JARID2: variants seen among roughly 807,000 people sequenced by gnomAD.
The protein encoded by JARID2 is jumonji and AT-rich interaction domain containing 2.
Under a neutral mutation model 125.6 loss-of-function variants are expected in JARID2, and 21 were observed. The ratio of observed to expected loss-of-function variants is 0.17; its 90% CI spans 0.12 to 0.24. JARID2 has a LOEUF of 0.24. JARID2 is among the 10% of genes least tolerant of loss of function. The pLI, the probability that JARID2 is intolerant of heterozygous loss-of-function variation, is 1.00. For missense variants in JARID2, 1,303 were observed against 1,639.6 expected (o/e 0.79, Z 3.55); for synonymous variants, 736 against 661.6 (o/e 1.11, Z -1.73).
At chr6:15,378,455 T>C (rs1764455227) in intron 2 of JARID2, among the ~76,000 whole-genome samples, 1 of 151,842 alleles carries the variant, frequency 6.6e-6, no homozygotes. Context: ...GCCTTCGAGG[T>C]TGGGGACAGT....
chr6:15,510,335 G>A (rs983366881), intron 12 of JARID2, among the ~76,000 whole-genome samples: 3 of 152,116 alleles, frequency 2.0e-5, no homozygotes. Flanking sequence ...CTTGCGGGGG[G>A]CCTCCCCTCA....
At chr6:15,516,360 G>T (rs1355728732) in intron 16 of JARID2, among the ~76,000 whole-genome samples, 2 of 152,214 alleles carry the variant, frequency 1.3e-5, no homozygotes, top group African/African-American at 4.8e-5. Context: ...GTGAAGTATG[G>T]GAGCCCTCCG....
chr6:15,462,113 G>T (rs1768481015), intron 4 of JARID2, among the ~76,000 whole-genome samples: 1 of 151,972 alleles, frequency 6.6e-6, no homozygotes, highest in African/African-American at 2.4e-5. Context: ...TTCCTTTAGG[G>T]CAATTGATAG....
rs3839642 is a variant in JARID2, at chr6:15,481,813, ACT to A, written c.671-5491_671-5490del. 2.5e-3 allele frequency among the ~76,000 whole-genome samples: 380 copies of A among 151,450 alleles called. 8 individuals carry two copies. In the East Asian group the frequency reaches 0.044, roughly 17 times the overall value. On this transcript the variant is annotated intron_variant, in intron 5 of 17. Transcript: ENST00000341776. ...GTTTTTAATTTCCGTATGTTTGAAA[ACT>A]CTTCCATTTCCAGATATCTCATCAA...
chr6:15,487,678 C>T (rs1046022150), intron 6 of JARID2, 136 bp downstream of exon 6: 20 of 775,762 alleles, frequency 2.6e-5, no homozygotes, highest in African/African-American at 1.8e-4. Flanking sequence ...ACAGACAGAG[C>T]GCACCTTTGC....
At chr6:15,392,839 C>G (rs1386563055) in intron 2 of JARID2, among the ~76,000 whole-genome samples, 1 of 151,980 alleles carries the variant, frequency 6.6e-6, no homozygotes, top group Non-Finnish European at 1.5e-5. Flanking sequence ...CGCCCACCAT[C>G]ATGACTGGCT....
intron 1 of JARID2, chr6:15,324,515 A>C (rs1214207355): frequency 6.6e-6 from 1 of 151,964 alleles, no homozygotes; most frequent in Non-Finnish European, 1.5e-5. Context: ...TTTTTTTTAA[A>C]AGACAGTCTT....
intron 1 of JARID2, among the ~76,000 whole-genome samples, chr6:15,352,779 T>G (rs1763473644): frequency 6.6e-6 from 1 of 152,180 alleles, no homozygotes; most frequent in Non-Finnish European, 1.5e-5. Flanking sequence ...CTAAATTCAC[T>G]GTAAATAATG....
chr6:15,281,661 CAA>C (rs1760755370), intron 1 of JARID2, among the ~76,000 whole-genome samples: 1 of 152,196 alleles, frequency 6.6e-6, no homozygotes, highest in Non-Finnish European at 1.5e-5. Context: ...TCTCACGTAA[CAA>C]TATCTCAAAG....
chr6:15,267,001 C>A (rs945168513), intron 1 of JARID2, among the ~76,000 whole-genome samples: 1 of 152,222 alleles, frequency 6.6e-6, no homozygotes, highest in East Asian at 1.9e-4. Flanking sequence ...CTAATAGGCA[C>A]AACTGTGCCC....
chr6:15,509,593 G>A (rs746078338), intron 12 of JARID2, among the ~76,000 whole-genome samples: 2 of 152,230 alleles, frequency 1.3e-5, no homozygotes, highest in Non-Finnish European at 2.9e-5. Context: ...GGGCTTAGCC[G>A]GGCCAGGCCA....
At chr6:15,450,880 GCT>G (rs1442698891) in intron 3 of JARID2, among the ~76,000 whole-genome samples, 104 of 152,354 alleles carry the variant, frequency 6.8e-4, no homozygotes, top group African/African-American at 2.3e-3. Context: ...GGGTGTGGTG[GCT>G]CACGCCTGTA....
intron 12 of JARID2, among the ~76,000 whole-genome samples, chr6:15,510,664 C>T (rs557454564): frequency 1.6e-4 from 24 of 152,180 alleles, no homozygotes; most frequent in South Asian, 4.1e-4. Context: ...GGTCCTAACA[C>T]GTAAAACTCT....
intron 1 of JARID2, among the ~76,000 whole-genome samples, chr6:15,344,894 T>C (rs974380940): frequency 6.6e-6 from 1 of 152,146 alleles, no homozygotes; most frequent in African/African-American, 2.4e-5. Flanking sequence ...TTACCTGCCG[T>C]TTTGGATTAT....
intron 4 of JARID2, among the ~76,000 whole-genome samples, chr6:15,454,421 A>G (rs1768060314): frequency 6.6e-6 from 1 of 152,074 alleles, no homozygotes; most frequent in Non-Finnish European, 1.5e-5. Flanking sequence ...AAACAGGGAG[A>G]TACGAGGTAG....
intron 1 of JARID2, among the ~76,000 whole-genome samples, chr6:15,285,253 G>C (rs1194700502): frequency 6.6e-6 from 1 of 151,776 alleles, no homozygotes; most frequent in Non-Finnish European, 1.5e-5. Context: ...TGGGATTACA[G>C]GCACCTGCCA....
intron 1 of JARID2, chr6:15,324,225 A>AAGCCTTCT (rs1762458393): frequency 6.6e-6 from 1 of 150,748 alleles, no homozygotes; most frequent in Non-Finnish European, 1.5e-5. Context: ...ATCCTTTTTG[A>AAGCCTTCT]TTTGTATGAA....
At chr6:15,412,550 C>G (rs911902494) in intron 3 of JARID2, among the ~76,000 whole-genome samples, 1 of 152,098 alleles carries the variant, frequency 6.6e-6, no homozygotes, top group Non-Finnish European at 1.5e-5. Context: ...CTCAAGTGAC[C>G]CACCCACCTC....
chr6:15,414,006 A>G (rs1329623332), intron 3 of JARID2, among the ~76,000 whole-genome samples: 1 of 152,180 alleles, frequency 6.6e-6, no homozygotes, highest in East Asian at 1.9e-4. Context: ...TTTTAGAATG[A>G]TACGAATTGC....
Sources: allele counts gnomAD v4.1 joint callset (sites outside exome capture counted in the v4.1 genomes callset), GRCh38; gene constraint gnomAD v4.1.1; transcripts MANE v1.5; gene names NCBI Gene and HGNC (gene_info 2026-07-23, HGNC 2026-07-21).